IQGAP3: variants seen among roughly 807,000 people sequenced by gnomAD.
IQGAP3 encodes IQ motif containing GTPase activating protein 3, also known as ras GTPase-activating-like protein IQGAP3.
IQGAP3 carries 165 observed loss-of-function variants against 208.2 expected under a neutral mutation model. The ratio of observed to expected loss-of-function variants is 0.79; its 90% CI spans 0.70 to 0.90. The LOEUF is 0.90. Among genes scored for constraint, IQGAP3 ranks in the 40% least tolerant of loss-of-function variants. The pLI is 0.00. For missense variants in IQGAP3, 1,811 were observed against 2,043.1 expected, an observed-to-expected ratio of 0.89 and a Z score of 2.19; for synonymous variants, 703 against 803.6, an observed-to-expected ratio of 0.87 and a Z score of 2.12.
rs771425992 is a variant in IQGAP3 at position 156,535,162 on chromosome 1, C to T, written c.3507+1G>A. 2.5e-6 allele frequency: 4 copies of T among 1,611,774 alleles called. No individual in the cohort carries two copies. The South Asian group carries it at 3.3e-5, about 13-fold the overall frequency. ...GGTGGGGGTGGGGAGACAACACTTGCCTTATAGACCTCGCTGTCTGTGGCG... is the reference window on the plus strand; with the variant it reads ...GGTGGGGGTGGGGAGACAACACTTGTCTTATAGACCTCGCTGTCTGTGGCG... On this transcript the variant is annotated splice_donor_variant, in intron 28 of 37. Transcript: ENST00000361170. LOFTEE classifies it high-confidence loss of function.
chr1:156,554,397 A>T lies in IQGAP3; in HGVS notation c.1291-5T>A. On this transcript the variant is annotated splice_polypyrimidine_tract_variant and splice_region_variant and intron_variant, in intron 12 of 37. Coordinates refer to ENST00000361170, the MANE Select transcript of IQGAP3 (RefSeq NM_178229.5). Reference sequence around the variant, plus strand: ...GAGCTCCTCCTGGCCAAGCTCCTACAATGGGTGGGAGGGCCAATTCCCAAG... The same window carrying T: ...GAGCTCCTCCTGGCCAAGCTCCTACTATGGGTGGGAGGGCCAATTCCCAAG... 1.3e-6 allele frequency: 2 copies of T among 1,597,152 alleles called. No individual in the cohort carries two copies. Among genetic ancestry groups the T allele is most frequent in the Non-Finnish European group, 1.7e-6 (2 of 1,172,832 alleles).
At chr1:156,565,792 C>T (rs779915689) in intron 4 of IQGAP3, among the ~76,000 whole-genome samples, 1 of 152,120 alleles carries the variant, frequency 6.6e-6, no homozygotes, top group African/African-American at 2.4e-5. Context: ...TAATGGGAAC[C>T]GTGCCACTCA....
chr1:156,567,480 G>T (rs766015843), intron 2 of IQGAP3, among the ~76,000 whole-genome samples: 1 of 152,186 alleles, frequency 6.6e-6, no homozygotes, highest in Non-Finnish European at 1.5e-5. Context: ...GTGGGCAGCT[G>T]CCAGGATCAA....
At position 156,535,272 on chromosome 1, in the gene IQGAP3, G is replaced by A. The variant is rs779772270; in HGVS notation, c.3423-25C>T. On this transcript the variant is annotated intron_variant, in intron 27 of 37. Transcript: ENST00000361170. ...CCTGGGGACAAAGAAACAGGTGCGCGTGGCTGTGCCTCTGCCCATCTCTCT... is the reference window on the plus strand; with the variant it reads ...CCTGGGGACAAAGAAACAGGTGCGCATGGCTGTGCCTCTGCCCATCTCTCT... The A allele has an allele frequency of 5.3e-6, 8 of 1,521,438 alleles. No homozygotes were observed. In the Middle Eastern group the frequency reaches 5.2e-4, roughly 98 times the overall value. 94.2% of individuals were successfully genotyped at this position (1,521,438 alleles called of 1,614,324 possible). A position where few individuals can be genotyped will look rare whatever the true frequency, so the allele number is the denominator to read the frequency against.
Position 156,544,399 on chromosome 1 carries a change from G to C in IQGAP3, c.2378C>G (p.Ala793Gly), listed in dbSNP as rs1320416155. Residue 793 changes from alanine to glycine, a missense_variant, in exon 20 of 38, where the codon GCC becomes GGC. Transcript: ENST00000361170. ...AACCACCGTAGCTACCTTGATTATG[G>C]CATCCAGGTTTGCTTTAAAATACTG... ...WLQYFKANLD[A>G]IIKIQAWARM... 3 of 1,612,436 alleles carry C rather than the reference G, an allele frequency of 1.9e-6. No homozygotes were observed. The highest frequency in any genetic ancestry group is 2.5e-6 in the Non-Finnish European group (3 of 1,178,512).
intron 19 of IQGAP3, among the ~76,000 whole-genome samples, chr1:156,547,306 C>T (rs965984997): frequency 2.6e-5 from 4 of 151,998 alleles, no homozygotes; most frequent in Admixed American, 2.6e-4. Context: ...TTCTGTTTAA[C>T]CACCACCACT....
intron 15 of IQGAP3, among the ~76,000 whole-genome samples, chr1:156,550,632 C>A (rs946089786): frequency 8.5e-5 from 13 of 152,194 alleles, no homozygotes; most frequent in Admixed American, 4.6e-4. Flanking sequence ...GCTCCTCAAA[C>A]CCTCAGCATC....
intron 16 of IQGAP3, among the ~76,000 whole-genome samples, chr1:156,549,948 C>T (rs553155391): frequency 9.2e-5 from 14 of 152,318 alleles, no homozygotes; most frequent in African/African-American, 3.4e-4. Context: ...AAGCTACCAG[C>T]AGAAATGGGA....
intron 29 of IQGAP3, 141 bp downstream of exon 29, chr1:156,534,360 A>G (rs1674579232): frequency 1.1e-6 from 1 of 923,150 alleles, no homozygotes; most frequent in South Asian, 1.7e-5. Flanking sequence ...GAGTCCTTCC[A>G]ACAACCTATC....
At chr1:156,552,293 A>G (rs1675591948) in intron 13 of IQGAP3, among the ~76,000 whole-genome samples, 198 bp from the exon 14 acceptor site, 1 of 152,158 alleles carries the variant, frequency 6.6e-6, no homozygotes, top group African/African-American at 2.4e-5. Flanking sequence ...GAGCATCCCA[A>G]TCTTCAGTCT....
chr1:156,571,577 T>C (rs1676645392), intron 1 of IQGAP3, among the ~76,000 whole-genome samples: 1 of 152,184 alleles, frequency 6.6e-6, no homozygotes, highest in Non-Finnish European at 1.5e-5. Flanking sequence ...TTGTTAAGCA[T>C]GGAAAATAAA....
intron 4 of IQGAP3, among the ~76,000 whole-genome samples, chr1:156,565,535 G>C (rs757627821): frequency 6.6e-6 from 1 of 152,206 alleles, no homozygotes; most frequent in Non-Finnish European, 1.5e-5. Flanking sequence ...AGTTCACACA[G>C]ACCATGTGAT....
At chr1:156,564,504 G>A (rs1306815679) in intron 5 of IQGAP3, 111 bp downstream of exon 5, 10 of 792,900 alleles carry the variant, frequency 1.3e-5, no homozygotes, top group Non-Finnish European at 2.1e-5. Context: ...CTCCTGAGCA[G>A]TGCTCCCTGT....
At chr1:156,569,229 A>C (rs1184971401) in intron 2 of IQGAP3, 147 bp downstream of exon 2, 7 of 184,302 alleles carry the variant, frequency 3.8e-5, no homozygotes, top group African/African-American at 1.9e-4. Flanking sequence ...ATTTGCTTCA[A>C]AAAAAAAAAA....
At chr1:156,532,611 C>G (rs1674463951) in intron 32 of IQGAP3, among the ~76,000 whole-genome samples, 1 of 152,090 alleles carries the variant, frequency 6.6e-6, no homozygotes, top group Admixed American at 6.6e-5. Context: ...CTTTGGGAGG[C>G]TGAGCCAGGT....
chr1:156,562,016 CT>C lies in IQGAP3; in HGVS notation c.878-16del. The C allele has an allele frequency of 6.3e-7, 1 of 1,596,760 alleles. No homozygotes were observed. Among genetic ancestry groups the C allele is most frequent in the Non-Finnish European group, 8.5e-7 (1 of 1,172,138 alleles). ...AGCCCCATGGACTGAAAAAAAATGACTCCATAATGGACAGTGTGAGAAAGCC... is the reference window on the plus strand; with the variant it reads ...AGCCCCATGGACTGAAAAAAAATGACCCATAATGGACAGTGTGAGAAAGCC... On this transcript the variant is annotated splice_polypyrimidine_tract_variant and intron_variant, in intron 9 of 37. Transcript: ENST00000361170.
Position 156,534,512 on chromosome 1 carries a change from G to T in IQGAP3, c.3729C>A (p.His1243Gln). 4 of 1,572,532 alleles carry T rather than the reference G, an allele frequency of 2.5e-6. No individual in the cohort carries two copies. The highest frequency in any genetic ancestry group is 3.4e-6 in the Non-Finnish European group (4 of 1,159,468). ...RVLNDYLEET[H>Q]LKFRKFIHRA... is the part of the protein sequence containing the mutation. ...AAGGGACCCAAGACCTGAACTTGAG[G>T]TGTGTTTCCTCCAGATAGTCATTCA... The change falls in exon 29 of 38, where the codon CAC becomes CAA. Residue 1243 changes from histidine (H) to glutamine (Q), a missense_variant. Physicochemically the swap from His to Gln is conservative, Grantham distance 24 (BLOSUM62 0). Coordinates refer to ENST00000361170, the MANE Select transcript of IQGAP3 (RefSeq NM_178229.5).
chr1:156,527,536 C>G lies in IQGAP3; in HGVS notation c.4782+416G>C, dbSNP rs78320355. Among the ~76,000 whole-genome samples, 1,208 of 152,302 alleles carry G rather than the reference C, an allele frequency of 7.9e-3. 8 individuals are homozygous for G. The highest frequency in any genetic ancestry group is 0.028 in the South Asian group (134 of 4,822). On this transcript the variant is annotated intron_variant, in intron 37 of 37. Transcript: ENST00000361170. ...ACAACAACAACCACAACCAAAAACA[C>G]CGTTGCTTCACTCCTTTCCTGAACA...
intron 26 of IQGAP3, among the ~76,000 whole-genome samples, chr1:156,537,776 C>A (rs1674765656): frequency 6.6e-6 from 1 of 152,152 alleles, no homozygotes. Flanking sequence ...TGAGTAATGA[C>A]CCCAGGCTAT....
Sources: gnomAD v4.1 joint callset for allele counts (sites outside exome capture counted in the v4.1 genomes callset) on GRCh38, gnomAD v4.1.1 for gene constraint, MANE v1.5 for transcripts, NCBI Gene and HGNC (gene_info 2026-07-23, HGNC 2026-07-21) for gene names.